C9orf72: variants seen among roughly 807,000 people sequenced by gnomAD.
C9orf72 encodes guanine nucleotide exchange factor C9orf72.
C9orf72 carries 44 observed loss-of-function variants against 51.6 expected under a neutral mutation model. That is an observed-to-expected ratio of 0.85 (90% CI 0.67 to 1.10). C9orf72 has a LOEUF of 1.10. Among genes scored for constraint, C9orf72 ranks in the 50% least tolerant of loss-of-function variants. C9orf72 has a pLI of 0.00. For missense variants in C9orf72, 607 were observed against 570.6 expected (o/e 1.06, Z -0.65); for synonymous variants, 213 against 194.2 (o/e 1.10, Z -0.81).
chr9:27,552,824 A>T (rs1002781032), intron 8 of C9orf72, among the ~76,000 whole-genome samples: 1 of 152,124 alleles, frequency 6.6e-6, no homozygotes, highest in Non-Finnish European at 1.5e-5. Context: ...AGCCTACTTG[A>T]TCAAAGTAGA....
intron 1 of C9orf72, among the ~76,000 whole-genome samples, chr9:27,567,992 T>C (rs891055899): frequency 6.6e-6 from 1 of 150,762 alleles, no homozygotes; most frequent in African/African-American, 2.4e-5. Context: ...ATTGCTGTTG[T>C]TTAAAGCCAC....
rs1416620731 is a variant in C9orf72, at chr9:27,547,960, T to C, written c.*276A>G. 9.0e-6 allele frequency: 2 copies of C among 223,038 alleles called. No individual in the cohort carries two copies. The highest frequency in any genetic ancestry group is 1.8e-4 in the South Asian group (1 of 5,664). 13.8% of individuals were successfully genotyped at this position (223,038 alleles called of 1,614,324 possible). Reference sequence around the variant, plus strand: ...AGTAGTTGTGGTCAAGTTTACATCCTATTATTATATCTTTAAAAGATAGCA... The same window carrying C: ...AGTAGTTGTGGTCAAGTTTACATCCCATTATTATATCTTTAAAAGATAGCA... On this transcript the variant is annotated 3_prime_UTR_variant, in exon 11 of 11. Coordinates refer to ENST00000380003, the MANE Select transcript of C9orf72 (RefSeq NM_018325.5).
intron 8 of C9orf72, among the ~76,000 whole-genome samples, chr9:27,552,442 G>A (rs1047223886): frequency 4.6e-5 from 7 of 151,802 alleles, no homozygotes; most frequent in East Asian, 3.9e-4. Flanking sequence ...TCTGCCTCCC[G>A]GGCTCAAACA....
intron 5 of C9orf72, 109 bp downstream of exon 5, chr9:27,561,476 G>T: frequency 7.0e-7 from 1 of 1,432,210 alleles, no homozygotes; most frequent in East Asian, 2.6e-5. Flanking sequence ...AATGTCCCTA[G>T]AACAATCTAA....
intron 8 of C9orf72, among the ~76,000 whole-genome samples, chr9:27,552,359 CT>C (rs34620383): frequency 0.75 from 113,036 of 151,556 alleles, 42,687 homozygotes; most frequent in East Asian, 0.9. Context: ...TGTGATTTTT[CT>C]TTTTTGAGAC....
intron 1 of C9orf72, among the ~76,000 whole-genome samples, chr9:27,572,618 T>C (rs1213019946): frequency 6.6e-6 from 1 of 152,026 alleles, no homozygotes; most frequent in Non-Finnish European, 1.5e-5. Context: ...ACAATCTCGA[T>C]TGCATCTGAA....
Position 27,556,782 on chromosome 9 carries a change from G to A in C9orf72, c.870C>T (p.Ser290=), listed in dbSNP as rs10122902. ...VQGLLKDSTG[S]FVLPFRQVMY... ...TGACTTGCCGGAAAGGCAGCACAAA[G>A]CTTCCAGTTGAATCCTGTCAAAATA... Residue 290 remains serine, a synonymous_variant, in exon 8 of 11, where the codon AGC becomes AGT. Transcript: ENST00000380003. The A allele has an allele frequency of 0.21, 334,168 of 1,609,536 alleles. 36,118 individuals are homozygous for A. Among genetic ancestry groups the A allele is most frequent in the Admixed American group, 0.3 (18,215 of 59,946 alleles).
chr9:27,553,415 C>A (rs1036919333), intron 8 of C9orf72, among the ~76,000 whole-genome samples: 2 of 152,156 alleles, frequency 1.3e-5, no homozygotes, highest in African/African-American at 4.8e-5. Flanking sequence ...CACACACTTA[C>A]AACCATCTGA....
chr9:27,556,502 G>T, intron 8 of C9orf72, 59 bp downstream of exon 8: 6 of 1,133,508 alleles, frequency 5.3e-6, no homozygotes, highest in East Asian at 2.4e-5. Context: ...GTTTTTATTC[G>T]TAAAAGACAC....
intron 1 of C9orf72, among the ~76,000 whole-genome samples, chr9:27,570,775 G>C (rs960369563): frequency 6.6e-6 from 1 of 152,146 alleles, no homozygotes; most frequent in Non-Finnish European, 1.5e-5. Context: ...GCTGAGGCAG[G>C]AGAATCTCTT....
Position 27,560,728 on chromosome 9 carries a change from G to A in C9orf72, c.666-429C>T, listed in dbSNP as rs796491. The A allele has an allele frequency of 2.3e-3, 2,258 of 986,134 alleles. 33 individuals are homozygous for A. The African/African-American group carries it at 0.036, about 16-fold the overall frequency. 61.1% of individuals were successfully genotyped at this position (986,134 alleles called of 1,614,324 possible). A position where few individuals can be genotyped will look rare whatever the true frequency, so the allele number is the denominator to read the frequency against. On this transcript the variant is annotated intron_variant, in intron 5 of 10. Coordinates refer to ENST00000380003, the MANE Select transcript of C9orf72 (RefSeq NM_018325.5). ...AGGCTCTTAGGTTAAACACACTCAT[G>A]CCTCTGATACTCCATCATGAGCCTA...
chr9:27,563,512 T>A (rs1819398495), intron 3 of C9orf72, among the ~76,000 whole-genome samples: 1 of 152,238 alleles, frequency 6.6e-6, no homozygotes, highest in African/African-American at 2.4e-5. Context: ...TTATTTAAGA[T>A]GAATTTAATA....
At chr9:27,566,577 T>C in intron 2 of C9orf72, 100 bp downstream of exon 2, 1 of 759,326 alleles carries the variant, frequency 1.3e-6, no homozygotes, top group Non-Finnish European at 2.1e-6. Context: ...TATTGTTTGA[T>C]GTTCACTGCA....
intron 10 of C9orf72, 24 bp from the exon 11 acceptor site, chr9:27,548,446 A>AG: frequency 7.1e-7 from 1 of 1,401,296 alleles, no homozygotes; most frequent in South Asian, 1.3e-5. Flanking sequence ...AAAAAAAAAA[A>AG]AAAAAAAAAA....
chr9:27,565,487 C>T (rs371066324), intron 3 of C9orf72, 44 bp downstream of exon 3: 1 of 1,284,674 alleles, frequency 7.8e-7, no homozygotes, highest in Non-Finnish European at 1.1e-6. Flanking sequence ...TATACAGATA[C>T]ATGCTGTGAG....
intron 8 of C9orf72, among the ~76,000 whole-genome samples, chr9:27,555,205 T>G (rs887999454): frequency 6.6e-6 from 1 of 152,220 alleles, no homozygotes; most frequent in Admixed American, 6.5e-5. Flanking sequence ...ACATGTAATT[T>G]CAGTTGGACC....
intron 1 of C9orf72, among the ~76,000 whole-genome samples, chr9:27,569,072 C>T (rs1819531887): frequency 6.8e-6 from 1 of 147,272 alleles, no homozygotes; most frequent in Admixed American, 6.8e-5. Context: ...TTAACAAAAA[C>T]GACTAACAAG....
intron 3 of C9orf72, among the ~76,000 whole-genome samples, chr9:27,564,306 G>C (rs539170875): frequency 6.6e-6 from 1 of 152,190 alleles, no homozygotes; most frequent in African/African-American, 2.4e-5. Context: ...ACTTAAAAGA[G>C]AGACCAAAAT....
At chr9:27,561,132 G>C in intron 5 of C9orf72, 1 of 489,350 alleles carries the variant, frequency 2.0e-6, no homozygotes, top group Non-Finnish European at 2.7e-6. Context: ...CCTTGCCCAC[G>C]GGTACACAGC....
Sources: gnomAD v4.1 joint callset for allele counts (sites outside exome capture counted in the v4.1 genomes callset) on GRCh38, gnomAD v4.1.1 for gene constraint, MANE v1.5 for transcripts, NCBI Gene and HGNC (gene_info 2026-07-23, HGNC 2026-07-21) for gene names.